The following SLC49A4 variants were observed in gnomAD, a reference collection of about 807,000 sequenced individuals.
SLC49A4 encodes the protein solute carrier family 49 member 4.
In SLC49A4, 36 loss-of-function variants were observed where a neutral mutation model predicts 50.6. That is an observed-to-expected ratio of 0.71 (90% CI 0.55 to 0.94). SLC49A4 has a LOEUF of 0.94. Ranked by LOEUF, SLC49A4 falls within the 40% of genes least tolerant of loss-of-function variation. The pLI is 0.00. For missense variants in SLC49A4, 503 were observed against 605.7 expected, an observed-to-expected ratio of 0.83 and a Z score of 1.78; for synonymous variants, 248 against 241.2, an observed-to-expected ratio of 1.03 and a Z score of -0.26.
At chr3:122,804,615 G>C (rs1936183709) in intron 1 of SLC49A4, among the ~76,000 whole-genome samples, 1 of 152,150 alleles carries the variant, frequency 6.6e-6, no homozygotes, top group Admixed American at 6.5e-5. Flanking sequence ...ACACAAGAAA[G>C]CCACCACACT....
rs563537790 is a variant in SLC49A4, at chr3:122,795,471, C to A, written c.279C>A (p.Leu93=). 6.2e-6 allele frequency: 10 copies of A among 1,606,640 alleles called. No homozygotes were observed. In the South Asian group the frequency reaches 7.7e-5, roughly 12 times the overall value. ...TCTCCAGCTGGGACATCGCGCTGCTCGTGCTGTGGGGGCCCATCGGCTTCC... is the reference window on the plus strand; with the variant it reads ...TCTCCAGCTGGGACATCGCGCTGCTAGTGCTGTGGGGGCCCATCGGCTTCC... ...YGFSSWDIAL[L]VLWGPIGFLP... Residue 93 remains leucine, a synonymous_variant, in exon 1 of 9, where the codon CTC becomes CTA. Transcript: ENST00000261038.
At chr3:122,872,658 A>G in intron 8 of SLC49A4, 61 bp downstream of exon 8, 3 of 1,210,342 alleles carry the variant, frequency 2.5e-6, no homozygotes, top group Non-Finnish European at 3.4e-6. Context: ...TTGGGTCACT[A>G]GTGTATAGAA....
chr3:122,810,985 C>T (rs149580001), intron 2 of SLC49A4, among the ~76,000 whole-genome samples: 1 of 152,272 alleles, frequency 6.6e-6, no homozygotes, highest in African/African-American at 2.4e-5. Flanking sequence ...AGTATTAGAA[C>T]ATGACTGTTT....
chr3:122,847,410 C>T (rs1009098604), intron 5 of SLC49A4, among the ~76,000 whole-genome samples: 13 of 148,978 alleles, frequency 8.7e-5, no homozygotes, highest in Admixed American at 6.7e-4. Flanking sequence ...TGCAGTGGCG[C>T]GATCTCAGCT....
At position 122,860,145 on chromosome 3, in the gene SLC49A4, TCCACGTGGTTCA is replaced by T. The variant is rs773270280; in HGVS notation, c.1084_1095del (p.Thr362_Thr365del). 2.3e-5 allele frequency: 37 copies of T among 1,613,558 alleles called. No individual in the cohort carries two copies. The highest frequency in any genetic ancestry group is 3.1e-5 in the Non-Finnish European group (37 of 1,179,688). ...CCTGTTTTCGGGAGCTACACTGTCA[TCCACGTGGTTCA>T]CCCTGACCTGTTTGAACAGCATCAC... On this transcript the variant is annotated inframe_deletion, in exon 7 of 9. Coordinates refer to ENST00000261038, the MANE Select transcript of SLC49A4 (RefSeq NM_032839.3).
chr3:122,860,783 C>T (rs544135048), intron 7 of SLC49A4, among the ~76,000 whole-genome samples: 1 of 152,244 alleles, frequency 6.6e-6, no homozygotes, highest in Non-Finnish European at 1.5e-5. Flanking sequence ...TTTTCTATTG[C>T]TGCTGTAAAA....
chr3:122,806,334 A>C (rs1936216932), intron 1 of SLC49A4, among the ~76,000 whole-genome samples: 1 of 152,138 alleles, frequency 6.6e-6, no homozygotes, highest in Non-Finnish European at 1.5e-5. Context: ...TCCATCTTTG[A>C]TATGAACATT....
intron 7 of SLC49A4, 133 bp from the exon 8 acceptor site, chr3:122,872,282 C>G: frequency 1.3e-6 from 1 of 761,456 alleles, no homozygotes; most frequent in South Asian, 2.0e-5. Flanking sequence ...GATGCTTTGT[C>G]AAACTTTATC....
intron 3 of SLC49A4, among the ~76,000 whole-genome samples, chr3:122,832,712 C>T (rs932199894): frequency 6.6e-6 from 1 of 152,050 alleles, no homozygotes; most frequent in Admixed American, 6.6e-5. Context: ...CATAAGACAA[C>T]ATTTGTTTAC....
rs532341219 is a variant in SLC49A4, at chr3:122,839,216, A to C, written c.833+5770A>C. ...AGTAGAAGAATGAAACTGGATCCCTATCTCTCACCTTATACAAAAATAAAC... is the reference window on the plus strand; with the variant it reads ...AGTAGAAGAATGAAACTGGATCCCTCTCTCTCACCTTATACAAAAATAAAC... On this transcript the variant is annotated intron_variant, in intron 4 of 8. Coordinates refer to ENST00000261038, the MANE Select transcript of SLC49A4 (RefSeq NM_032839.3). Among the ~76,000 whole-genome samples, 11 of 152,260 alleles carry C rather than the reference A, an allele frequency of 7.2e-5. No individual in the cohort carries two copies. In the East Asian group the frequency reaches 2.1e-3, roughly 29 times the overall value.
At chr3:122,838,869 A>G (rs922123687) in intron 4 of SLC49A4, among the ~76,000 whole-genome samples, 29 of 152,230 alleles carry the variant, frequency 1.9e-4, no homozygotes, top group African/African-American at 7.0e-4. Context: ...ATCATTTTTC[A>G]TAGAATTAGA....
chr3:122,841,163 A>G (rs1936764535), intron 4 of SLC49A4, among the ~76,000 whole-genome samples: 1 of 152,232 alleles, frequency 6.6e-6, no homozygotes, highest in African/African-American at 2.4e-5. Context: ...TGATCTGAAA[A>G]GAAACGTCTA....
At chr3:122,870,618 G>T (rs1937183776) in intron 7 of SLC49A4, among the ~76,000 whole-genome samples, 1 of 150,282 alleles carries the variant, frequency 6.7e-6, no homozygotes, top group African/African-American at 2.4e-5. Context: ...AGACCAGCCT[G>T]GCCAACATGG....
chr3:122,796,243 A>C (rs752557655), intron 1 of SLC49A4, among the ~76,000 whole-genome samples: 1 of 152,258 alleles, frequency 6.6e-6, no homozygotes, highest in Non-Finnish European at 1.5e-5. Context: ...TACTTACCAC[A>C]TAAGTATGGA....
At chr3:122,875,645 C>T (rs1937256798) in intron 8 of SLC49A4, among the ~76,000 whole-genome samples, 2 of 152,072 alleles carry the variant, frequency 1.3e-5, no homozygotes, top group South Asian at 4.1e-4. Flanking sequence ...AGCCACCACA[C>T]CCAGCCTAGA....
intron 1 of SLC49A4, 76 bp downstream of exon 1, chr3:122,795,611 A>T (rs1936019158): frequency 6.6e-7 from 1 of 1,506,382 alleles, no homozygotes; most frequent in African/African-American, 1.4e-5. Context: ...CAGGCCTGCC[A>T]GCCGCCTCCC....
rs1253658693 is a variant in SLC49A4 at position 122,795,484 on chromosome 3, C to T, written c.292C>T (p.Pro98Ser). Reference sequence around the variant, plus strand: ...CATCGCGCTGCTCGTGCTGTGGGGGCCCATCGGCTTCCTGCCCTGCTTCGC... The same window carrying T: ...CATCGCGCTGCTCGTGCTGTGGGGGTCCATCGGCTTCCTGCCCTGCTTCGC... The part of the protein sequence containing the change: ...WDIALLVLWG[P>S]IGFLPCFAFM... The change falls in exon 1 of 9, where the codon CCC becomes TCC. Residue 98 changes from proline to serine, a missense_variant. Physicochemically the swap from Pro to Ser is moderately conservative, Grantham distance 74 (BLOSUM62 -1). Coordinates refer to ENST00000261038, the MANE Select transcript of SLC49A4 (RefSeq NM_032839.3). The T allele has an allele frequency of 1.2e-6, 2 of 1,605,270 alleles. No individual in the cohort carries two copies. Among genetic ancestry groups the T allele is most frequent in the Non-Finnish European group, 1.7e-6 (2 of 1,178,902 alleles).
chr3:122,826,029 T>A (rs1272462994), intron 2 of SLC49A4, among the ~76,000 whole-genome samples: 1 of 152,200 alleles, frequency 6.6e-6, no homozygotes, highest in Non-Finnish European at 1.5e-5. Flanking sequence ...TGGAAGGGAC[T>A]TAGTGGTCCT....
intron 4 of SLC49A4, among the ~76,000 whole-genome samples, chr3:122,834,050 T>A (rs73856722): frequency 0.042 from 6,403 of 152,272 alleles, 439 homozygotes; most frequent in African/African-American, 0.14. Context: ...AATTTAATTC[T>A]TGGGATATAT....
Sources: allele counts gnomAD v4.1 joint callset (sites outside exome capture counted in the v4.1 genomes callset), GRCh38; gene constraint gnomAD v4.1.1; transcripts MANE v1.5; gene names NCBI Gene and HGNC (gene_info 2026-07-23, HGNC 2026-07-21).